Variants in EPS8L2 observed in about 807,000 individuals in gnomAD.
EPS8L2 encodes the protein EPS8 signaling adaptor L2.
A neutral mutation model predicts 99.4 loss-of-function variants in EPS8L2; 81 were observed. The observed-to-expected ratio is 0.82, with a 90% confidence interval of 0.68 to 0.98. EPS8L2 has a LOEUF of 0.98. Among genes scored for constraint, EPS8L2 ranks in the 50% least tolerant of loss-of-function variants. The pLI, the probability that EPS8L2 is intolerant of heterozygous loss-of-function variation, is 0.00. For synonymous variants in EPS8L2, 509 were observed against 407.3 expected (o/e 1.25, Z -3.01); for missense variants, 1,155 against 968.8 (o/e 1.19, Z -2.55).
Position 721,224 on chromosome 11 carries a change from A to AG in EPS8L2, c.700+23dup. 2 of 1,532,426 alleles carry AG rather than the reference A, an allele frequency of 1.3e-6. No individual in the cohort carries two copies. Among genetic ancestry groups the AG allele is most frequent in the Non-Finnish European group, 1.8e-6 (2 of 1,142,040 alleles). The allele number at this position is 1,532,426 out of a possible 1,614,324, so 94.9% of individuals were successfully genotyped here. A position where few individuals can be genotyped will look rare whatever the true frequency, so the allele number is the denominator to read the frequency against. ...CGAGCCAGGTGGGCCGAGGGGCTGG[A>AG]GGGGGCTCCACAGGGCTCGTTGTGG... On this transcript the variant is annotated intron_variant, in intron 8 of 20. Coordinates refer to ENST00000318562, the MANE Select transcript of EPS8L2 (RefSeq NM_022772.4).
chr11:711,052 T>C (rs1447145672), intron 4 of EPS8L2, among the ~76,000 whole-genome samples: 1 of 152,040 alleles, frequency 6.6e-6, no homozygotes, highest in African/African-American at 2.4e-5. Context: ...AGGAACTGTA[T>C]CGGGAGGGAG....
chr11:710,337 A>C, intron 3 of EPS8L2, 85 bp from the exon 4 acceptor site: 1 of 1,349,698 alleles, frequency 7.4e-7, no homozygotes, highest in Non-Finnish European at 1.1e-6. Flanking sequence ...GCTTGACTCC[A>C]CCTTCCCTTG....
Position 726,637 on chromosome 11 carries a change from C to T in EPS8L2, c.1953C>T (p.Gly651=), listed in dbSNP as rs1181716144. The change falls in exon 20 of 21, where the codon GGC becomes GGT. Residue 651 remains glycine, a synonymous_variant. Coordinates refer to ENST00000318562, the MANE Select transcript of EPS8L2 (RefSeq NM_022772.4). The part of the protein sequence containing the change: ...AFSPRIVENL[G]ILTGPQLFSL... ...CCCCCAGGATCGTGGAGAACCTGGG[C>T]ATCCTGACCGGGCCGCAGCTCTTCT... 6.4e-7 allele frequency: 1 copy of T among 1,554,522 alleles called. No homozygotes were observed. Among genetic ancestry groups the T allele is most frequent in the Non-Finnish European group, 8.7e-7 (1 of 1,149,566 alleles).
chr11:715,202 A>G (rs562022024), intron 4 of EPS8L2, among the ~76,000 whole-genome samples: 59 of 151,968 alleles, frequency 3.9e-4, no homozygotes, highest in African/African-American at 1.2e-3. Context: ...AGATTGCGCC[A>G]CTGCACTCCA....
In EPS8L2 at chr11:724,586, C is replaced by T; in HGVS notation, c.1455-138C>T. On this transcript the variant is annotated intron_variant, in intron 15 of 20. Coordinates refer to ENST00000318562, the MANE Select transcript of EPS8L2 (RefSeq NM_022772.4). The surrounding 1 kb of genome is among the most constrained non-coding windows in gnomAD (Gnocchi z 5.5). ...CATTCCGGGCTGACGCTGCCTGCAGCCTCTCTCCACGGTGACCTCCAGAAC... is the reference window on the plus strand; with the variant it reads ...CATTCCGGGCTGACGCTGCCTGCAGTCTCTCTCCACGGTGACCTCCAGAAC... 2 of 638,996 alleles carry T rather than the reference C, an allele frequency of 3.1e-6. No individual in the cohort carries two copies. The highest frequency in any genetic ancestry group is 5.6e-6 in the Non-Finnish European group (2 of 356,254). The allele number at this position is 638,996 out of a possible 1,614,324, so 39.6% of individuals were successfully genotyped here.
chr11:717,039 C>T (rs530444521), intron 4 of EPS8L2, among the ~76,000 whole-genome samples: 130 of 152,310 alleles, frequency 8.5e-4, no homozygotes, highest in South Asian at 1.7e-3. Flanking sequence ...TGCAATGGCA[C>T]GATCTCGGCT....
chr11:722,858 A>C (rs571640370), intron 14 of EPS8L2, 53 bp downstream of exon 14: 3 of 1,107,110 alleles, frequency 2.7e-6, no homozygotes, highest in Non-Finnish European at 3.5e-6. Context: ...CCCACTCCTC[A>C]CCAGAGCTCC....
At chr11:722,588 G>T in intron 13 of EPS8L2, 39 bp downstream of exon 13, 1 of 1,610,876 alleles carries the variant, frequency 6.2e-7, no homozygotes, top group Non-Finnish European at 8.5e-7. Context: ...TTCATGGGGG[G>T]CCAGCGCTGC....
chr11:709,082 A>C, intron 1 of EPS8L2: 1 of 432,106 alleles, frequency 2.3e-6, no homozygotes, highest in East Asian at 4.3e-5. Flanking sequence ...CCCTTGTCAG[A>C]GCCTCCCAGT....
At chr11:717,658 C>G (rs1219432323) in intron 4 of EPS8L2, among the ~76,000 whole-genome samples, 1 of 151,622 alleles carries the variant, frequency 6.6e-6, no homozygotes, top group Non-Finnish European at 1.5e-5. Context: ...GCAGGAGGAT[C>G]GCTTCAGCCC....
At chr11:711,788 A>G (rs1199748617) in intron 4 of EPS8L2, among the ~76,000 whole-genome samples, 1 of 152,010 alleles carries the variant, frequency 6.6e-6, no homozygotes, top group East Asian at 1.9e-4. Flanking sequence ...GTTTGAGACC[A>G]GCCTGACCAA....
At chr11:711,130 G>A (rs1032185404) in intron 4 of EPS8L2, among the ~76,000 whole-genome samples, 1 of 152,172 alleles carries the variant, frequency 6.6e-6, no homozygotes, top group African/African-American at 2.4e-5. Flanking sequence ...GGGCTCAGAC[G>A]GGGCTGCCTG....
chr11:726,658 C>T lies in EPS8L2; in HGVS notation c.1974C>T (p.Leu658=), dbSNP rs749355349. 4 of 1,563,516 alleles carry T rather than the reference C, an allele frequency of 2.6e-6. No homozygotes were observed. Among genetic ancestry groups the T allele is most frequent in the Non-Finnish European group, 3.5e-6 (4 of 1,154,664 alleles). ...ENLGILTGPQ[L]FSLNKEELKK... ...TGGGCATCCTGACCGGGCCGCAGCT[C>T]TTCTCCCTCAACAAGGAGGAGCTGA... is the stretch of plus-strand genomic sequence containing the variant. Residue 658 remains leucine (L), a synonymous_variant, in exon 20 of 21, where the codon CTC becomes CTT. Coordinates refer to ENST00000318562, the MANE Select transcript of EPS8L2 (RefSeq NM_022772.4).
At position 721,114 on chromosome 11, in the gene EPS8L2, A is replaced by C; in HGVS notation, c.608A>C (p.Gln203Pro). ...CGGCAGTCCATCCTGCCTCCTCCCC[A>C]GGGCCCGGCGCCCATCCCCTTCCAG... is the stretch of plus-strand genomic sequence containing the variant. ...RQRQSILPPPQGPAPIPFQHR... is the reference protein window; with the variant it reads ...RQRQSILPPPPGPAPIPFQHR... The change falls in exon 8 of 21, where the codon CAG (glutamine) becomes CCG (proline). Residue 203 changes from glutamine (Q) to proline (P), a missense_variant. Gln to Pro is a moderately conservative substitution (Grantham distance 76). Transcript: ENST00000318562. 6.5e-7 allele frequency: 1 copy of C among 1,533,318 alleles called. No individual in the cohort carries two copies. 95.0% of individuals were successfully genotyped at this position (1,533,318 alleles called of 1,614,324 possible).
rs959749514 is a variant in EPS8L2 at position 709,347 on chromosome 11, G to A, written c.-61G>A. Reference sequence around the variant, plus strand: ...CCACCCAGGTGTGGGACAGGCACTGGCCTCAGACCGGGGCCACACTGAGGT... The same window carrying A: ...CCACCCAGGTGTGGGACAGGCACTGACCTCAGACCGGGGCCACACTGAGGT... On this transcript the variant is annotated 5_prime_UTR_variant, in exon 2 of 21. Coordinates refer to ENST00000318562, the MANE Select transcript of EPS8L2 (RefSeq NM_022772.4). 13 of 1,535,910 alleles carry A rather than the reference G, an allele frequency of 8.5e-6. No individual in the cohort carries two copies. The highest frequency in any genetic ancestry group is 1.1e-5 in the Non-Finnish European group (13 of 1,135,500).
rs60889456 is a variant in EPS8L2 at position 723,311 on chromosome 11, C to T, written c.1412C>T (p.Pro471Leu). 0.019 allele frequency: 29,655 copies of T among 1,598,382 alleles called. 513 individuals carry two copies. The highest frequency in any genetic ancestry group is 0.088 in the African/African-American group (6,538 of 74,038). The stretch of plus-strand genomic sequence containing the variant: ...AGCCCCACTTCAGAGCCCACCCCCC[C>T]GGGGGATGCCCTACCACCAGTCAGC... ...KHSPTSEPTP[P>L]GDALPPVSSP... The change falls in exon 15 of 21, where the codon CCG becomes CTG. Residue 471 changes from proline to leucine, a missense_variant. By Grantham distance (98) the Pro-to-Leu change is moderately conservative (BLOSUM62 -3). Transcript: ENST00000318562.
At position 721,635 on chromosome 11, in the gene EPS8L2, T is replaced by C; in HGVS notation, c.839T>C (p.Phe280Ser). 1 of 1,578,050 alleles carries C rather than the reference T, an allele frequency of 6.3e-7. No individual in the cohort carries two copies. Among genetic ancestry groups the C allele is most frequent in the South Asian group, 1.2e-5 (1 of 86,868 alleles). Residue 280 changes from phenylalanine to serine, a missense_variant, in exon 10 of 21, where the codon TTC becomes TCC. By Grantham distance (155) the Phe-to-Ser change is radical (BLOSUM62 -2). Coordinates refer to ENST00000318562, the MANE Select transcript of EPS8L2 (RefSeq NM_022772.4). ...VARLQKAAEA[F>S]KQLNQRKKGK... ...CGGCTGCAGAAGGCAGCCGAGGCTT[T>C]CAAGCAGCTGAACCAGCGGAAAAAG... is the stretch of plus-strand genomic sequence containing the variant.
rs1183602330 is a variant in EPS8L2, at chr11:722,659, A to G, written c.1209-14A>G. 2 of 1,606,956 alleles carry G rather than the reference A, an allele frequency of 1.2e-6. No homozygotes were observed. Among genetic ancestry groups the G allele is most frequent in the South Asian group, 1.1e-5 (1 of 90,386 alleles). On this transcript the variant is annotated splice_polypyrimidine_tract_variant and intron_variant, in intron 13 of 20. Transcript: ENST00000318562. ...CTGGAGAGGCAGGGCTGACTTCAGG[A>G]CCTCTCACCCCAGTTCCGAGTGGCC...
rs1366771966 is a variant in EPS8L2, at chr11:722,432, C to T, written c.1091C>T (p.Ala364Val). ...IVNTCSGPDI[A>V]RSVSCPLLSR... is the part of the protein sequence containing the mutation. ...AACACCTGCAGTGGCCCAGACATCG[C>T]ACGCTCCGTCTCCTGCCCACTGCTC... is the stretch of plus-strand genomic sequence containing the variant. Residue 364 changes from alanine to valine, a missense_variant, in exon 13 of 21, where the codon GCA becomes GTA. Physicochemically the swap from Ala to Val is moderately conservative, Grantham distance 64. Coordinates refer to ENST00000318562, the MANE Select transcript of EPS8L2 (RefSeq NM_022772.4). 6.2e-7 allele frequency: 1 copy of T among 1,613,422 alleles called. No homozygotes were observed. The highest frequency in any genetic ancestry group is 1.7e-5 in the Admixed American group (1 of 60,006).
Sources: allele counts gnomAD v4.1 joint callset (sites outside exome capture counted in the v4.1 genomes callset), GRCh38; gene constraint gnomAD v4.1.1; non-coding constraint Gnocchi (gnomAD v3.1); transcripts MANE v1.5; gene names NCBI Gene and HGNC (gene_info 2026-07-23, HGNC 2026-07-21).